NLGN1: variants seen among roughly 807,000 people sequenced by gnomAD.
NLGN1 encodes neuroligin-1.
A neutral mutation model predicts 65.5 loss-of-function variants in NLGN1; 12 were observed. That is an observed-to-expected ratio of 0.18 (90% CI 0.12 to 0.30). The LOEUF is 0.30. Ranked by LOEUF, NLGN1 falls within the 10% of genes least tolerant of loss-of-function variation. The pLI, the probability that NLGN1 is intolerant of heterozygous loss-of-function variation, is 1.00. For missense variants in NLGN1, 750 were observed against 1,007.1 expected, an observed-to-expected ratio of 0.74 and a Z score of 3.46; for synonymous variants, 350 against 359.5, an observed-to-expected ratio of 0.97 and a Z score of 0.30.
chr3:173,983,427 G>A (rs1218365573), intron 4 of NLGN1, among the ~76,000 whole-genome samples: 1 of 152,156 alleles, frequency 6.6e-6, no homozygotes, highest in Non-Finnish European at 1.5e-5. Flanking sequence ...GACACCCAAA[G>A]GATTAGTGCA....
At chr3:173,414,060 C>T (rs1241330045) in intron 1 of NLGN1, among the ~76,000 whole-genome samples, 1 of 152,130 alleles carries the variant, frequency 6.6e-6, no homozygotes, top group Non-Finnish European at 1.5e-5. Flanking sequence ...GCCTCCAAAG[C>T]ATCTTCATAC....
chr3:174,112,511 A>G (rs1715458946), intron 4 of NLGN1, among the ~76,000 whole-genome samples: 1 of 151,964 alleles, frequency 6.6e-6, no homozygotes. Context: ...TTTTAGACTC[A>G]GTGCCATTTC....
At chr3:173,456,932 C>T (rs1722603387) in intron 2 of NLGN1, among the ~76,000 whole-genome samples, 1 of 152,028 alleles carries the variant, frequency 6.6e-6, no homozygotes, top group Admixed American at 6.6e-5. Context: ...GAGTTGTGGT[C>T]ATAAAGAAAC....
intron 2 of NLGN1, among the ~76,000 whole-genome samples, chr3:173,581,051 T>C (rs1272858900): frequency 6.6e-6 from 1 of 152,028 alleles, no homozygotes; most frequent in East Asian, 1.9e-4. Context: ...CTTTCTATTA[T>C]CAAAGGAAAT....
chr3:173,633,481 A>G (rs1756076364), intron 3 of NLGN1, among the ~76,000 whole-genome samples: 1 of 152,194 alleles, frequency 6.6e-6, no homozygotes, highest in South Asian at 2.1e-4. Flanking sequence ...AGTGTTTACA[A>G]CTGATCTTTA....
exon 7 of NLGN1, chr3:174,282,639 C>A (rs1751676310): frequency 6.6e-6 from 1 of 152,040 alleles, no homozygotes; most frequent in African/African-American, 2.4e-5. Context: ...ACTCTTCATC[C>A]CCCTGTTGTT....
rs561585903 is a variant in NLGN1 at position 173,749,129 on chromosome 3, T to C, written c.494-58551T>C. Among the ~76,000 whole-genome samples, 373 of 152,228 alleles carry C rather than the reference T, an allele frequency of 2.5e-3. 2 individuals carry two copies. The highest frequency in any genetic ancestry group is 4.2e-3 in the Non-Finnish European group (287 of 67,998). The stretch of plus-strand genomic sequence containing the variant: ...CAGAGAACCCTATAATTTGATTAAG[T>C]GTACAAACTATCTTGAAAAAATGTT... On this transcript the variant is annotated intron_variant, in intron 3 of 6. Transcript: ENST00000457714.
At chr3:173,943,841 G>A (rs1251710639) in intron 4 of NLGN1, among the ~76,000 whole-genome samples, 1 of 152,118 alleles carries the variant, frequency 6.6e-6, no homozygotes, top group Non-Finnish European at 1.5e-5. Flanking sequence ...AAGCAACGTT[G>A]TATTTCTACT....
chr3:173,523,552 A>T (rs1735127919), intron 2 of NLGN1, among the ~76,000 whole-genome samples: 1 of 151,612 alleles, frequency 6.6e-6, no homozygotes, highest in Admixed American at 6.6e-5. Flanking sequence ...TTTGTCAAAG[A>T]TTAGTGGGTT....
intron 2 of NLGN1, among the ~76,000 whole-genome samples, chr3:173,478,854 T>A (rs1726742934): frequency 6.6e-6 from 1 of 150,478 alleles, no homozygotes; most frequent in Non-Finnish European, 1.5e-5. Flanking sequence ...AATGCACCAC[T>A]GCACTCCAGC....
At chr3:173,670,459 C>T (rs1159450585) in intron 3 of NLGN1, among the ~76,000 whole-genome samples, 1 of 151,974 alleles carries the variant, frequency 6.6e-6, no homozygotes, top group Non-Finnish European at 1.5e-5. Flanking sequence ...AAATGCTATG[C>T]TTTTGAGTGT....
At chr3:173,410,659 G>A (rs1449458490) in intron 1 of NLGN1, among the ~76,000 whole-genome samples, 1 of 152,090 alleles carries the variant, frequency 6.6e-6, no homozygotes, top group African/African-American at 2.4e-5. Context: ...GCTTGCTAGG[G>A]GTGAGTATTT....
At chr3:173,958,620 T>G (rs1712734063) in intron 4 of NLGN1, among the ~76,000 whole-genome samples, 2 of 152,084 alleles carry the variant, frequency 1.3e-5, no homozygotes, top group Admixed American at 1.3e-4. Flanking sequence ...AGCCATGGGT[T>G]GGAAAAAGCA....
chr3:173,692,356 T>C (rs967598259), intron 3 of NLGN1, among the ~76,000 whole-genome samples: 1 of 152,132 alleles, frequency 6.6e-6, no homozygotes, highest in African/African-American at 2.4e-5. Flanking sequence ...GAAGTTTTTA[T>C]TCAATTAAAA....
intron 2 of NLGN1, among the ~76,000 whole-genome samples, chr3:173,602,534 G>C (rs1047458553): frequency 2.0e-5 from 3 of 151,954 alleles, no homozygotes; most frequent in Non-Finnish European, 4.4e-5. Flanking sequence ...TGGGAAACAG[G>C]AGCTTCTTTA....
In NLGN1 at chr3:174,120,633, T is replaced by C. The variant is rs148229716; in HGVS notation, c.647-154682T>C. 2.9e-3 allele frequency among the ~76,000 whole-genome samples: 448 copies of C among 152,308 alleles called. 4 individuals are homozygous for C. Among genetic ancestry groups the C allele is most frequent in the Non-Finnish European group, 4.3e-3 (290 of 68,022 alleles). On this transcript the variant is annotated intron_variant, in intron 4 of 6. Coordinates refer to ENST00000457714, the Ensembl canonical transcript of NLGN1. ...GACCCACTTTGACTTCTTAAAGAGT[T>C]TGAATTTAACCCTATGGCATTAAGA...
chr3:173,676,601 A>G (rs1239675824), intron 3 of NLGN1, among the ~76,000 whole-genome samples: 1 of 152,158 alleles, frequency 6.6e-6, no homozygotes, highest in Non-Finnish European at 1.5e-5. Context: ...AAATTCATAA[A>G]TTGGAAAATA....
chr3:173,877,154 T>C (rs913731910), intron 4 of NLGN1, among the ~76,000 whole-genome samples: 3 of 152,184 alleles, frequency 2.0e-5, no homozygotes, highest in Non-Finnish European at 4.4e-5. Context: ...TGTGATCAAA[T>C]TTAATTACTA....
chr3:173,463,356 G>A (rs188365854), intron 2 of NLGN1, among the ~76,000 whole-genome samples: 28 of 152,258 alleles, frequency 1.8e-4, no homozygotes, highest in African/African-American at 6.7e-4. Context: ...TTGTAACGCT[G>A]TGTTTTCCCC....
Sources: allele counts gnomAD v4.1 joint callset (sites outside exome capture counted in the v4.1 genomes callset), GRCh38; gene constraint gnomAD v4.1.1; transcripts MANE v1.5; gene names NCBI Gene and HGNC (gene_info 2026-07-23, HGNC 2026-07-21).